SCAPER: variants seen among roughly 807,000 people sequenced by gnomAD.
The protein encoded by SCAPER is S-phase cyclin A associated protein in the ER.
SCAPER carries 98 observed loss-of-function variants against 182.2 expected under a neutral mutation model. The observed-to-expected ratio is 0.54, with a 90% CI of 0.46 to 0.64. The LOEUF (loss-of-function observed/expected upper bound fraction) is 0.64, where lower values mean the gene tolerates loss of function less well. Ranked by LOEUF, SCAPER falls within the 30% of genes least tolerant of loss-of-function variation. The probability of loss-of-function intolerance (pLI) is 0.00; values close to 1 mark genes in which losing one functional copy is unlikely to be tolerated. For missense variants in SCAPER, 1,432 were observed against 1,690.0 expected (o/e 0.85, Z 2.68); for synonymous variants, 605 against 564.6 (o/e 1.07, Z -1.01).
At chr15:76,456,429 ACTT>A (rs1225869582) in intron 25 of SCAPER, among the ~76,000 whole-genome samples, 4 of 152,152 alleles carry the variant, frequency 2.6e-5, no homozygotes, top group African/African-American at 9.7e-5. Flanking sequence ...TTGAGTTCTA[ACTT>A]CATCCCACTG....
At chr15:76,858,563 T>G (rs946272405) in intron 3 of SCAPER, among the ~76,000 whole-genome samples, 3 of 152,184 alleles carry the variant, frequency 2.0e-5, no homozygotes, top group Non-Finnish European at 4.4e-5. Flanking sequence ...ATTTTGTCAC[T>G]CAGGTAATTA....
At chr15:76,443,026 T>C (rs2047723162) in intron 25 of SCAPER, among the ~76,000 whole-genome samples, 1 of 152,090 alleles carries the variant, frequency 6.6e-6, no homozygotes, top group East Asian at 1.9e-4. Context: ...ACAGCGAAAG[T>C]TGGGGTAAAA....
intron 15 of SCAPER, among the ~76,000 whole-genome samples, chr15:76,751,778 G>C (rs1330681168): frequency 1.3e-5 from 2 of 151,470 alleles, no homozygotes; most frequent in Non-Finnish European, 3.0e-5. Flanking sequence ...AAAACTCTTA[G>C]AAGAAGACAC....
Position 76,385,284 on chromosome 15 carries a change from A to G in SCAPER, c.3468-3669T>C, listed in dbSNP as rs553370044. On this transcript the variant is annotated intron_variant, in intron 27 of 31. Coordinates refer to ENST00000563290, the MANE Select transcript of SCAPER (RefSeq NM_020843.4). Reference sequence around the variant, plus strand: ...CACTGGGCCTTAGTTGGCCTAAAAAAGCAGCTGTGACAGTTCCAGACTCTA... The same window carrying G: ...CACTGGGCCTTAGTTGGCCTAAAAAGGCAGCTGTGACAGTTCCAGACTCTA... 7.2e-5 allele frequency: 11 copies of G among 152,308 alleles called. No individual in the cohort carries two copies. In the East Asian group the frequency reaches 1.2e-3, roughly 16 times the overall value. 9.4% of individuals were successfully genotyped at this position (152,308 alleles called of 1,614,324 possible).
At chr15:76,583,609 A>G (rs2048424392) in intron 22 of SCAPER, among the ~76,000 whole-genome samples, 1 of 152,226 alleles carries the variant, frequency 6.6e-6, no homozygotes, top group Non-Finnish European at 1.5e-5. Context: ...AAATGGGCAA[A>G]AGATCTGAAT....
intron 29 of SCAPER, among the ~76,000 whole-genome samples, chr15:76,367,955 G>A (rs1163995616): frequency 3.3e-5 from 5 of 152,056 alleles, no homozygotes; most frequent in Admixed American, 1.3e-4. Flanking sequence ...CTATAATATT[G>A]AGAGTAACTT....
At chr15:76,551,375 C>T (rs1431400838) in intron 23 of SCAPER, among the ~76,000 whole-genome samples, 1 of 149,466 alleles carries the variant, frequency 6.7e-6, no homozygotes, top group Non-Finnish European at 1.5e-5. Flanking sequence ...TACTATTCAG[C>T]CACAAAAAAG....
Position 76,892,899 on chromosome 15 carries a change from T to C in SCAPER, c.-59-9023A>G, listed in dbSNP as rs146738427. On this transcript the variant is annotated intron_variant, in intron 1 of 31. Coordinates refer to ENST00000563290, the MANE Select transcript of SCAPER (RefSeq NM_020843.4). ...ATGTTTACTGCAGCACTGTTCACAA[T>C]AGCAAAGACTTGGAACCAACCCAAA... is the stretch of plus-strand genomic sequence containing the variant. Among the ~76,000 whole-genome samples the C allele has an allele frequency of 7.3e-3, 1,109 of 152,244 alleles. 17 individuals are homozygous for C. The highest frequency in any genetic ancestry group is 0.025 in the African/African-American group (1,053 of 41,532).
At chr15:76,597,683 A>G (rs575641005) in intron 22 of SCAPER, among the ~76,000 whole-genome samples, 1 of 121,052 alleles carries the variant, frequency 8.3e-6, no homozygotes, top group Admixed American at 9.4e-5. Flanking sequence ...CAAACCTGAC[A>G]AAAACAAGAA....
At chr15:76,576,035 C>T (rs975306819) in intron 22 of SCAPER, among the ~76,000 whole-genome samples, 1 of 152,128 alleles carries the variant, frequency 6.6e-6, no homozygotes. Flanking sequence ...AAATTCATGT[C>T]CTACAGAGAA....
chr15:76,653,780 C>G (rs1446881734), intron 21 of SCAPER, among the ~76,000 whole-genome samples: 1 of 152,076 alleles, frequency 6.6e-6, no homozygotes, highest in East Asian at 1.9e-4. Context: ...AATATTTTTC[C>G]CAACATCACC....
chr15:76,728,547 GA>G, intron 17 of SCAPER, 47 bp downstream of exon 17: 1 of 1,608,900 alleles, frequency 6.2e-7, no homozygotes, highest in East Asian at 2.2e-5. Context: ...ACCTCAACTT[GA>G]ATATTCACTC....
chr15:76,581,261 C>A (rs971801054), intron 22 of SCAPER, among the ~76,000 whole-genome samples: 3 of 152,124 alleles, frequency 2.0e-5, no homozygotes, highest in Non-Finnish European at 4.4e-5. Flanking sequence ...ATCAATCTTA[C>A]TCAAACTATT....
intron 25 of SCAPER, among the ~76,000 whole-genome samples, chr15:76,444,656 A>G (rs1343274103): frequency 1.3e-5 from 2 of 152,114 alleles, no homozygotes; most frequent in African/African-American, 4.8e-5. Context: ...TTCAGCTACT[A>G]TTTCTTCAAA....
rs137948921 is a variant in SCAPER at position 76,474,723 on chromosome 15, T to C, written c.2955-3388A>G. Among the ~76,000 whole-genome samples the C allele has an allele frequency of 8.6e-3, 1,312 of 152,324 alleles. 13 individuals carry two copies. The highest frequency in any genetic ancestry group is 0.014 in the Non-Finnish European group (965 of 68,024). On this transcript the variant is annotated intron_variant, in intron 24 of 31. Coordinates refer to ENST00000563290, the MANE Select transcript of SCAPER (RefSeq NM_020843.4). ...ATTAGTCTATTATTTGGGTTATTAATCTTATTATTCTTAATGAATAAGGTA... is the reference window on the plus strand; with the variant it reads ...ATTAGTCTATTATTTGGGTTATTAACCTTATTATTCTTAATGAATAAGGTA...
intron 25 of SCAPER, among the ~76,000 whole-genome samples, chr15:76,465,520 C>T (rs1035516010): frequency 1.3e-5 from 2 of 152,138 alleles, no homozygotes; most frequent in Admixed American, 6.6e-5. Context: ...TCATTCTGTA[C>T]ATTGCCTTTC....
intron 18 of SCAPER, among the ~76,000 whole-genome samples, chr15:76,703,300 C>A (rs925967487): frequency 1.3e-5 from 2 of 152,200 alleles, no homozygotes; most frequent in African/African-American, 4.8e-5. Flanking sequence ...TAGAACTTTA[C>A]AGAACCTCCA....
intron 23 of SCAPER, among the ~76,000 whole-genome samples, chr15:76,573,781 G>A (rs886279298): frequency 2.0e-5 from 3 of 151,974 alleles, no homozygotes; most frequent in African/African-American, 7.2e-5. Context: ...TGGAATCAGG[G>A]GATATTGGTG....
chr15:76,678,537 T>C (rs907350595), intron 20 of SCAPER, among the ~76,000 whole-genome samples: 2 of 152,018 alleles, frequency 1.3e-5, no homozygotes, highest in Admixed American at 6.6e-5. Flanking sequence ...TCTACCCAAA[T>C]TGGGAAGGGG....
Sources: allele counts gnomAD v4.1 joint callset (sites outside exome capture counted in the v4.1 genomes callset), GRCh38; gene constraint gnomAD v4.1.1; transcripts MANE v1.5; gene names NCBI Gene and HGNC (gene_info 2026-07-23, HGNC 2026-07-21).